Variants in ZBTB46 observed in about 807,000 individuals in gnomAD.
ZBTB46 encodes zinc finger and BTB domain containing 46, also known as zinc finger and BTB domain-containing protein 46.
ZBTB46 carries 8 observed loss-of-function variants against 44.1 expected under a neutral mutation model. The observed-to-expected ratio is 0.18, with a 90% CI of 0.11 to 0.33. The LOEUF (loss-of-function observed/expected upper bound fraction) is 0.33, where lower values mean the gene tolerates loss of function less well. ZBTB46 is among the 10% of genes least tolerant of loss of function. ZBTB46 has a pLI of 1.00. For missense variants in ZBTB46, 651 were observed against 847.7 expected, an observed-to-expected ratio of 0.77 and a Z score of 2.88; for synonymous variants, 409 against 382.3, an observed-to-expected ratio of 1.07 and a Z score of -0.81.
In ZBTB46 at chr20:63,746,979, G is replaced by A. The variant is rs775240676; in HGVS notation, c.1721C>T (p.Pro574Leu). The change falls in exon 5 of 5, where the codon CCG (proline) becomes CTG (leucine). Residue 574 changes from proline to leucine, a missense_variant. Transcript: ENST00000245663. ...DDKDEEDSPR[P>L]RSPPGGPDKD... ...GTCAGGGCCTCCTGGGGGGCTGCGC[G>A]GCCGCGGCGAGTCTTCCTCATCCTT... is the stretch of plus-strand genomic sequence containing the variant. 11 of 1,604,008 alleles carry A rather than the reference G, an allele frequency of 6.9e-6. No individual in the cohort carries two copies. The highest frequency in any genetic ancestry group is 3.4e-5 in the Admixed American group (2 of 59,696).
chr20:63,828,769 T>C (rs2092832976), intron 1 of ZBTB46, among the ~76,000 whole-genome samples: 1 of 152,206 alleles, frequency 6.6e-6, no homozygotes, highest in Admixed American at 6.5e-5. Flanking sequence ...AGCGGGTGCC[T>C]GGGCACCAGT....
intron 1 of ZBTB46, among the ~76,000 whole-genome samples, chr20:63,825,825 C>T (rs920785174): frequency 3.9e-5 from 6 of 152,192 alleles, no homozygotes; most frequent in African/African-American, 7.2e-5. Context: ...TAGCTTGGGC[C>T]GACTTCTCGT....
rs532361910 is a variant in ZBTB46 at position 63,758,817 on chromosome 20, C to A, written c.1223-5956G>T. Among the ~76,000 whole-genome samples, 4 of 151,882 alleles carry A rather than the reference C, an allele frequency of 2.6e-5. No homozygotes were observed. The South Asian group carries it at 8.3e-4, about 32-fold the overall frequency. The stretch of plus-strand genomic sequence containing the variant: ...TGCGATCTCAGCTCATTGCAAGCTC[C>A]GCCTCCCGGGTTCACGCCATTCTCC... On this transcript the variant is annotated intron_variant, in intron 3 of 4. Transcript: ENST00000245663.
intron 1 of ZBTB46, among the ~76,000 whole-genome samples, chr20:63,800,751 C>T (rs1601499954): frequency 1.3e-5 from 2 of 152,348 alleles, no homozygotes; most frequent in Middle Eastern, 3.4e-3. Flanking sequence ...CTTGATTTCT[C>T]GCCGGCCCTA....
At chr20:63,792,986 C>T (rs780716322) in intron 1 of ZBTB46, among the ~76,000 whole-genome samples, 12 of 152,288 alleles carry the variant, frequency 7.9e-5, no homozygotes, top group South Asian at 4.1e-4. Context: ...TGTTGCCTGC[C>T]GGGAGACGCG....
At chr20:63,819,033 C>T (rs746702269) in intron 1 of ZBTB46, among the ~76,000 whole-genome samples, 3 of 151,742 alleles carry the variant, frequency 2.0e-5, no homozygotes, top group African/African-American at 2.4e-5. Context: ...ATTAGCCAGG[C>T]GTGGTGGTGT....
rs2092070877 is a variant in ZBTB46, at chr20:63,744,594, C to T, written c.*2336G>A. On this transcript the variant is annotated 3_prime_UTR_variant, in exon 5 of 5. Transcript: ENST00000245663. ...AAAAAATCAGTCACATAAAAAAAAC[C>T]CTTCATGACATGTCTTTTCCCTCCA... 1 of 152,184 alleles carries T rather than the reference C, an allele frequency of 6.6e-6. No individual in the cohort carries two copies. The highest frequency in any genetic ancestry group is 1.5e-5 in the Non-Finnish European group (1 of 68,014). 9.4% of individuals were successfully genotyped at this position (152,184 alleles called of 1,614,324 possible).
At chr20:63,811,763 T>G (rs1233335632) in intron 1 of ZBTB46, among the ~76,000 whole-genome samples, 1 of 152,158 alleles carries the variant, frequency 6.6e-6, no homozygotes, top group Non-Finnish European at 1.5e-5. Flanking sequence ...CAGGACTCAC[T>G]GGGCAGGTGA....
chr20:63,778,488 A>C lies in ZBTB46; in HGVS notation c.938-2526T>G, dbSNP rs1230983949. The stretch of plus-strand genomic sequence containing the variant: ...GCATGGGGCAGGGGGCACTTGGAGC[A>C]GGGGCAGAGGTGACGTCTGCAAACA... On this transcript the variant is annotated intron_variant, in intron 2 of 4. Coordinates refer to ENST00000245663, the MANE Select transcript of ZBTB46 (RefSeq NM_001369741.1). 2.0e-5 allele frequency among the ~76,000 whole-genome samples: 3 copies of C among 152,206 alleles called. No individual in the cohort carries two copies. The South Asian group carries it at 6.2e-4, about 31-fold the overall frequency.
At chr20:63,792,336 A>G (rs2092567683) in intron 1 of ZBTB46, among the ~76,000 whole-genome samples, 1 of 152,158 alleles carries the variant, frequency 6.6e-6, no homozygotes, top group Admixed American at 6.5e-5. Flanking sequence ...GAAATGCTAA[A>G]TGTGTTTAAT....
chr20:63,805,773 T>A (rs1229680615), intron 1 of ZBTB46, among the ~76,000 whole-genome samples: 5 of 148,252 alleles, frequency 3.4e-5, no homozygotes, highest in African/African-American at 1.3e-4. Flanking sequence ...TCCTTTTTTT[T>A]GAGACGGAGT....
upstream of ZBTB46, among the ~76,000 whole-genome samples, chr20:63,831,494 G>T (rs986341294): frequency 1.4e-5 from 2 of 146,392 alleles, no homozygotes; most frequent in South Asian, 2.1e-4. Flanking sequence ...CCGCGCCGGG[G>T]GTCCGTTCTC....
chr20:63,747,318 G>C lies in ZBTB46; in HGVS notation c.1399-17C>G. 1 of 1,444,062 alleles carries C rather than the reference G, an allele frequency of 6.9e-7. No homozygotes were observed. The highest frequency in any genetic ancestry group is 1.4e-5 in the South Asian group (1 of 70,360). 89.5% of individuals were successfully genotyped at this position (1,444,062 alleles called of 1,614,324 possible). ...GCTGTGGACCTGCAGAGGCAGGGCA[G>C]GGGGTGAGCAGGGCCTGGTGGGTTG... On this transcript the variant is annotated splice_polypyrimidine_tract_variant and intron_variant, in intron 4 of 4. Transcript: ENST00000245663.
intron 3 of ZBTB46, among the ~76,000 whole-genome samples, chr20:63,755,444 G>A (rs1186688429): frequency 1.3e-5 from 2 of 152,214 alleles, no homozygotes; most frequent in African/African-American, 2.4e-5. Context: ...CACCATCTGT[G>A]TGGCCTTTTC....
intron 1 of ZBTB46, among the ~76,000 whole-genome samples, chr20:63,829,328 T>C (rs2092835892): frequency 6.6e-6 from 1 of 152,230 alleles, no homozygotes; most frequent in Admixed American, 6.5e-5. Flanking sequence ...AATCACCTCA[T>C]CTAAGCAAAA....
At chr20:63,753,415 C>T (rs1300122840) in intron 3 of ZBTB46, among the ~76,000 whole-genome samples, 2 of 152,230 alleles carry the variant, frequency 1.3e-5, no homozygotes, top group Non-Finnish European at 2.9e-5. Flanking sequence ...TAATCAAGTT[C>T]TTTTCCCCCA....
intron 1 of ZBTB46, among the ~76,000 whole-genome samples, chr20:63,822,189 C>CA (rs1289568784): frequency 6.6e-6 from 1 of 152,208 alleles, no homozygotes; most frequent in African/African-American, 2.4e-5. Flanking sequence ...ATCCTAAACA[C>CA]ACTTGCAGCA....
Position 63,747,122 on chromosome 20 carries a change from C to T in ZBTB46, c.1578G>A (p.Ala526=), listed in dbSNP as rs538819996. The T allele has an allele frequency of 1.8e-4, 296 of 1,610,236 alleles. 4 individuals carry two copies. In the South Asian group the frequency reaches 2.5e-3, roughly 13 times the overall value. ...GATAGGGCCCGTCGCCTGGGAACAGCGCCTCTGGAGAGCCCTCGCCGCCTC... is the reference window on the plus strand; with the variant it reads ...GATAGGGCCCGTCGCCTGGGAACAGTGCCTCTGGAGAGCCCTCGCCGCCTC... ...GGGGGEGSPE[A]LFPGDGPYLE... is the part of the protein sequence containing the mutation. The change falls in exon 5 of 5, where the codon GCG becomes GCA. Residue 526 remains alanine (A), a synonymous_variant. Coordinates refer to ENST00000245663, the MANE Select transcript of ZBTB46 (RefSeq NM_001369741.1).
chr20:63,778,594 C>T (rs996738785), intron 2 of ZBTB46, among the ~76,000 whole-genome samples: 5 of 152,190 alleles, frequency 3.3e-5, no homozygotes, highest in Non-Finnish European at 7.3e-5. Flanking sequence ...CGTCAGGCAG[C>T]ACACGGGGTG....
Sources: allele counts gnomAD v4.1 joint callset (sites outside exome capture counted in the v4.1 genomes callset), GRCh38; gene constraint gnomAD v4.1.1; transcripts MANE v1.5; gene names NCBI Gene and HGNC (gene_info 2026-07-23, HGNC 2026-07-21).